RAPGEF1: variants seen among roughly 807,000 people sequenced by gnomAD.
RAPGEF1 encodes Rap guanine nucleotide exchange factor 1.
RAPGEF1 carries 33 observed loss-of-function variants against 143.3 expected under a neutral mutation model. The ratio of observed to expected loss-of-function variants is 0.23; its 90% CI spans 0.17 to 0.31. RAPGEF1 has a LOEUF of 0.31. Among genes scored for constraint, RAPGEF1 ranks in the 10% least tolerant of loss-of-function variants. The probability of loss-of-function intolerance (pLI) is 1.00; values close to 1 mark genes in which losing one functional copy is unlikely to be tolerated. For missense variants in RAPGEF1, 1,199 were observed against 1,645.4 expected (o/e 0.73, Z 4.69); for synonymous variants, 629 against 676.5 (o/e 0.93, Z 1.09).
chr9:131,595,832 C>T lies in RAPGEF1; in HGVS notation c.2689+466G>A, dbSNP rs192218438. On this transcript the variant is annotated intron_variant, in intron 17 of 26. Transcript: ENST00000683357. ...TGCTGTGAAACTGAGGCCACTGCTA[C>T]AGAATTGAAGGTTCCTGGACAGAAC... is the stretch of plus-strand genomic sequence containing the variant. 2.0e-5 allele frequency among the ~76,000 whole-genome samples: 3 copies of T among 152,308 alleles called. No individual in the cohort carries two copies. The East Asian group carries it at 5.8e-4, about 29-fold the overall frequency.
chr9:131,714,224 T>C (rs1835701159), intron 1 of RAPGEF1, among the ~76,000 whole-genome samples: 2 of 151,650 alleles, frequency 1.3e-5, no homozygotes, highest in Admixed American at 6.6e-5. Context: ...GCCACTGAAG[T>C]AGGAAACATT....
chr9:131,674,483 A>G (rs1473347920), intron 1 of RAPGEF1, among the ~76,000 whole-genome samples: 1 of 152,208 alleles, frequency 6.6e-6, no homozygotes, highest in East Asian at 1.9e-4. Flanking sequence ...CCGGTTCCCC[A>G]AGGCGTGAGA....
At chr9:131,630,965 A>AAT (rs1299258304) in intron 5 of RAPGEF1, among the ~76,000 whole-genome samples, 1 of 152,056 alleles carries the variant, frequency 6.6e-6, no homozygotes. Context: ...TTTAAATTAG[A>AAT]ATGCATTTTT....
intron 1 of RAPGEF1, among the ~76,000 whole-genome samples, chr9:131,694,668 C>T (rs551805237): frequency 5.3e-4 from 80 of 152,036 alleles, no homozygotes; most frequent in African/African-American, 1.9e-3. Context: ...CAAGACTGGA[C>T]GCAGATATCA....
intron 1 of RAPGEF1, among the ~76,000 whole-genome samples, chr9:131,734,697 C>T (rs1391423988): frequency 2.6e-5 from 4 of 152,210 alleles, no homozygotes; most frequent in Non-Finnish European, 5.9e-5. Flanking sequence ...GGACCTCTTT[C>T]TCAGGCCACA....
At chr9:131,663,840 G>A (rs538506816) in intron 1 of RAPGEF1, among the ~76,000 whole-genome samples, 33 of 152,274 alleles carry the variant, frequency 2.2e-4, no homozygotes, top group African/African-American at 7.9e-4. Flanking sequence ...ACTGCAATTT[G>A]AGATTTTAAG....
At chr9:131,693,931 T>A (rs553868506) in intron 1 of RAPGEF1, among the ~76,000 whole-genome samples, 95 of 152,062 alleles carry the variant, frequency 6.2e-4, no homozygotes, top group African/African-American at 2.2e-3. Flanking sequence ...AAATCTCGTA[T>A]CCTCTCAATC....
chr9:131,603,966 G>T lies in RAPGEF1; in HGVS notation c.2407C>A (p.Arg803=). 7.6e-7 allele frequency: 1 copy of T among 1,324,488 alleles called. No homozygotes were observed. Among genetic ancestry groups the T allele is most frequent in the Non-Finnish European group, 1.0e-6 (1 of 998,858 alleles). 82.0% of individuals were successfully genotyped at this position (1,324,488 alleles called of 1,614,324 possible). Residue 803 remains arginine, a synonymous_variant, in exon 14 of 27, where the codon CGA becomes AGA. Coordinates refer to ENST00000683357, the MANE Select transcript of RAPGEF1 (RefSeq NM_001377935.1). ...GGCCGCCCGAGGTTACTTACTCCTC[G>T]AGAGGGAGCCAGCTCCTCGCTGCTC... The part of the protein sequence containing the change: ...GQSSEELAPS[R]GEPPAGKDGH...
intron 1 of RAPGEF1, among the ~76,000 whole-genome samples, chr9:131,739,356 G>C (rs1358969759): frequency 6.6e-6 from 1 of 152,220 alleles, no homozygotes; most frequent in African/African-American, 2.4e-5. Flanking sequence ...CGTTAGAAAT[G>C]ACACATTTTA....
chr9:131,613,975 G>A (rs73559650), intron 12 of RAPGEF1, among the ~76,000 whole-genome samples: 3,431 of 152,262 alleles, frequency 0.023, 134 homozygotes, highest in African/African-American at 0.077. Context: ...AAGCACCTAC[G>A]TACTACGTGA....
intron 11 of RAPGEF1, among the ~76,000 whole-genome samples, chr9:131,619,539 C>T (rs1475080926): frequency 6.6e-6 from 1 of 152,162 alleles, no homozygotes; most frequent in Non-Finnish European, 1.5e-5. Flanking sequence ...GGAGTGGATC[C>T]ATGTGTCATT....
At chr9:131,663,421 T>A (rs771190201) in intron 1 of RAPGEF1, among the ~76,000 whole-genome samples, 1 of 151,360 alleles carries the variant, frequency 6.6e-6, no homozygotes, top group Non-Finnish European at 1.5e-5. Context: ...ATTTGCTCCA[T>A]AAGCAAATTT....
At chr9:131,602,563 C>T (rs75724663) in intron 14 of RAPGEF1, among the ~76,000 whole-genome samples, 130 of 152,342 alleles carry the variant, frequency 8.5e-4, no homozygotes, top group African/African-American at 3.0e-3. Flanking sequence ...AAGTCAAGGA[C>T]CCTGCTCAAG....
intron 1 of RAPGEF1, among the ~76,000 whole-genome samples, chr9:131,704,111 G>A (rs967036715): frequency 6.6e-6 from 1 of 151,912 alleles, no homozygotes; most frequent in African/African-American, 2.4e-5. Flanking sequence ...CTCATTTAGA[G>A]ATCAAGACAC....
At chr9:131,605,602 AAG>A (rs1956997869) in intron 12 of RAPGEF1, among the ~76,000 whole-genome samples, 1 of 152,166 alleles carries the variant, frequency 6.6e-6, no homozygotes, top group African/African-American at 2.4e-5. Flanking sequence ...TTTATTCCTT[AAG>A]AGTCAAACAC....
At chr9:131,738,933 G>T (rs928014) in intron 1 of RAPGEF1, among the ~76,000 whole-genome samples, 152,094 of 152,318 alleles carry the variant, frequency 1, 75,935 homozygotes, top group Non-Finnish European at 1. Flanking sequence ...ACCTGCTACC[G>T]GGGTTATGAC....
Position 131,691,698 on chromosome 9 carries a change from G to A in RAPGEF1, c.62-40749C>T, listed in dbSNP as rs552996354. Among the ~76,000 whole-genome samples the A allele has an allele frequency of 3.3e-5, 5 of 152,090 alleles. No individual in the cohort carries two copies. The South Asian group carries it at 8.3e-4, about 25-fold the overall frequency. ...ACTTTAAGATCATACCATTGGACTGGCTAAACATTTCCAGAACTCTAATAA... is the reference window on the plus strand; with the variant it reads ...ACTTTAAGATCATACCATTGGACTGACTAAACATTTCCAGAACTCTAATAA... On this transcript the variant is annotated intron_variant, in intron 1 of 26. Transcript: ENST00000683357.
At chr9:131,598,667 G>C (rs1010520065) in intron 15 of RAPGEF1, 1 of 425,370 alleles carries the variant, frequency 2.4e-6, no homozygotes, top group African/African-American at 2.0e-5. Flanking sequence ...GAATGGGAGA[G>C]AAAGCTGCAT....
Position 131,588,913 on chromosome 9 carries a change from G to A in RAPGEF1, c.2941C>T (p.Leu981=). ...TTCCGGAGCACACGGGCCAGGCTCA[G>A]CTCCCCATTGCACACCAGGCGGAAG... is the stretch of plus-strand genomic sequence containing the variant. ...LVFRLVCNGE[L]SLARVLRKNI... is the part of the protein sequence containing the mutation. The change falls in exon 20 of 27, where the codon CTG becomes TTG. Residue 981 remains leucine (L), a synonymous_variant. Transcript: ENST00000683357. 6.2e-7 allele frequency: 1 copy of A among 1,613,982 alleles called. No homozygotes were observed. Among genetic ancestry groups the A allele is most frequent in the African/African-American group, 1.3e-5 (1 of 75,044 alleles).
Sources: allele counts gnomAD v4.1 joint callset (sites outside exome capture counted in the v4.1 genomes callset), GRCh38; gene constraint gnomAD v4.1.1; transcripts MANE v1.5; gene names NCBI Gene and HGNC (gene_info 2026-07-23, HGNC 2026-07-21).